The following ATG16L2 variants were observed in gnomAD, a reference collection of about 807,000 sequenced individuals.
ATG16L2 encodes the protein autophagy related 16 like 2, also known as protein Atg16l2.
In ATG16L2, 77 loss-of-function variants were observed where a neutral mutation model predicts 84.7. The observed-to-expected ratio is 0.91, with a 90% CI of 0.76 to 1.10. The LOEUF is 1.10. Among genes scored for constraint, ATG16L2 ranks in the 50% least tolerant of loss-of-function variants. ATG16L2 has a pLI of 0.00. For synonymous variants in ATG16L2, 361 were observed against 342.8 expected (o/e 1.05, Z -0.59); for missense variants, 782 against 817.6 (o/e 0.96, Z 0.53).
Position 72,822,943 on chromosome 11 carries a change from A to G in ATG16L2, c.806A>G (p.Lys269Arg). The G allele has an allele frequency of 1.3e-6, 2 of 1,571,076 alleles. No individual in the cohort carries two copies. Among genetic ancestry groups the G allele is most frequent in the Non-Finnish European group, 1.7e-6 (2 of 1,157,336 alleles). The change falls in exon 7 of 18, where the codon AAG becomes AGG. Residue 269 changes from lysine (K) to arginine (R), a missense_variant. Coordinates refer to ENST00000321297, the MANE Select transcript of ATG16L2 (RefSeq NM_033388.2). The surrounding 1 kb of genome is among the most constrained non-coding windows in gnomAD (Gnocchi z 4.2). ...PEPLEKEACE[K>R]WKRPFRSASA... ...CCCCTGGAGAAGGAAGCTTGTGAGA[A>G]GTGGAAGAGGCCCTTCAGGTGAGGA...
chr11:72,842,947 G>T (rs1861006934), exon 6 of ATG16L2: 2 of 977,322 alleles, frequency 2.0e-6, no homozygotes, highest in African/African-American at 1.6e-5. Flanking sequence ...ATACAGAATA[G>T]GATTAAAGTT....
rs1423653629 is a variant in ATG16L2, at chr11:72,826,094, C to T, written c.1103-79C>T. 7 of 1,226,368 alleles carry T rather than the reference C, an allele frequency of 5.7e-6. No homozygotes were observed. In the African/African-American group the frequency reaches 8.9e-5, roughly 16 times the overall value. 76.0% of individuals were successfully genotyped at this position (1,226,368 alleles called of 1,614,324 possible). A position where few individuals can be genotyped will look rare whatever the true frequency, so the allele number is the denominator to read the frequency against. Reference sequence around the variant, plus strand: ...GTCGGGGGGTGGGGCGGGAACTGATCTTCCGCTCTCAATCCCAATTCCTCC... The same window carrying T: ...GTCGGGGGGTGGGGCGGGAACTGATTTTCCGCTCTCAATCCCAATTCCTCC... On this transcript the variant is annotated intron_variant, in intron 10 of 17. Transcript: ENST00000321297.
At chr11:72,836,438 C>T (rs72969821) in intron 5 of ATG16L2, among the ~76,000 whole-genome samples, 1 of 152,192 alleles carries the variant, frequency 6.6e-6, no homozygotes, top group Non-Finnish European at 1.5e-5. Flanking sequence ...TCCTCAGCTG[C>T]CTCTATGCTA....
intron 14 of ATG16L2, 93 bp from the exon 15 acceptor site, chr11:72,828,266 G>A (rs1860479833): frequency 1.2e-5 from 17 of 1,476,146 alleles, no homozygotes; most frequent in Non-Finnish European, 1.6e-5. Context: ...TCCGGACTTG[G>A]TTAGCTAGGA....
At chr11:72,824,990 T>A in intron 9 of ATG16L2, 148 bp downstream of exon 9, 5 of 659,254 alleles carry the variant, frequency 7.6e-6, no homozygotes, top group Non-Finnish European at 1.3e-5. Flanking sequence ...CCACAGCCTG[T>A]GGTGGGAGCC....
At chr11:72,824,603 C>A (rs963861642) in intron 8 of ATG16L2, 131 bp from the exon 9 acceptor site, 5 of 721,914 alleles carry the variant, frequency 6.9e-6, no homozygotes, top group African/African-American at 5.3e-5. Flanking sequence ...AATGCTCTCG[C>A]TGCTCCTTGG....
At chr11:72,838,912 C>A in intron 5 of ATG16L2, 1 of 1,542,726 alleles carries the variant, frequency 6.5e-7, no homozygotes, top group African/African-American at 1.4e-5. Flanking sequence ...TCAGTCAGTT[C>A]CTGACTCAGT....
chr11:72,841,669 C>T, intron 5 of ATG16L2: 3 of 1,345,928 alleles, frequency 2.2e-6, no homozygotes, highest in Non-Finnish European at 3.0e-6. Flanking sequence ...GTACTCATGC[C>T]TTTTCTCTAA....
intron 5 of ATG16L2, chr11:72,837,474 A>C (rs1860764444): frequency 1.3e-5 from 2 of 152,152 alleles, no homozygotes; most frequent in African/African-American, 2.4e-5. Context: ...GGAAAAAAAA[A>C]AAAAACAAAC....
At chr11:72,843,565 A>C in exon 6 of ATG16L2, 1 of 1,522,882 alleles carries the variant, frequency 6.6e-7, no homozygotes, top group South Asian at 1.1e-5. Flanking sequence ...ACAAAATTAA[A>C]AAGGTTAGAT....
intron 5 of ATG16L2, chr11:72,841,340 CAAAAAAAAAAA>C (rs59748827): frequency 2.2e-5 from 8 of 371,388 alleles, no homozygotes; most frequent in South Asian, 2.3e-5. Flanking sequence ...ACTCTGTCTC[CAAAAAAAAAAA>C]AAAAAAAAAA....
intron 5 of ATG16L2, among the ~76,000 whole-genome samples, chr11:72,834,802 C>G (rs1860684934): frequency 6.6e-6 from 1 of 152,212 alleles, no homozygotes; most frequent in South Asian, 2.1e-4. Context: ...TCAGGCTGGT[C>G]TCAAACTCCT....
downstream of ATG16L2, among the ~76,000 whole-genome samples, chr11:72,833,056 G>T (rs1860641182): frequency 6.6e-6 from 1 of 152,220 alleles, no homozygotes; most frequent in South Asian, 2.1e-4. Flanking sequence ...AGGGAGAAAT[G>T]ACAGATGCCC....
At chr11:72,842,035 C>T (rs7940683) in intron 5 of ATG16L2, among the ~76,000 whole-genome samples, 3,749 of 152,316 alleles carry the variant, frequency 0.025, 150 homozygotes, top group African/African-American at 0.086. Context: ...TCGGCAAACA[C>T]GTTCCTTCTT....
Position 72,825,401 on chromosome 11 carries a change from G to T in ATG16L2, c.1096G>T (p.Val366Leu), listed in dbSNP as rs1277070796. The change falls in exon 10 of 18, where the codon GTG (valine) becomes TTG (leucine). Residue 366 changes from valine to leucine, a missense_variant. Transcript: ENST00000321297. ...CCGCCTGATCCACCTCTGGAATGTT[G>T]TGGGAAGTAAGGAGCCCTCCCCTGC... ...ADRLIHLWNV[V>L]GSRLEANQTL... 2 of 1,611,702 alleles carry T rather than the reference G, an allele frequency of 1.2e-6. No homozygotes were observed. The highest frequency in any genetic ancestry group is 2.7e-5 in the African/African-American group (2 of 74,914).
chr11:72,840,547 T>C (rs1055572564), intron 5 of ATG16L2, among the ~76,000 whole-genome samples: 4 of 152,198 alleles, frequency 2.6e-5, no homozygotes. Flanking sequence ...AATAGAGGCC[T>C]GGAAAATTAA....
intron 14 of ATG16L2, 53 bp downstream of exon 14, chr11:72,827,346 C>A: frequency 6.9e-7 from 1 of 1,447,622 alleles, no homozygotes; most frequent in Non-Finnish European, 9.7e-7. Flanking sequence ...ACAGGGCTCC[C>A]AAGTTCTTGT....
At chr11:72,841,361 A>ACC in intron 5 of ATG16L2, 1 of 1,160,878 alleles carries the variant, frequency 8.6e-7, no homozygotes, top group Non-Finnish European at 1.2e-6. Context: ...AAAAAAAAAA[A>ACC]AAAGCAAATG....
intron 3 of ATG16L2, chr11:72,821,279 G>C (rs938380165): frequency 8.8e-6 from 9 of 1,022,386 alleles, no homozygotes; most frequent in Non-Finnish European, 9.4e-6. Flanking sequence ...GGCGCCCGAG[G>C]GCCGGATGGG....
Sources: allele counts gnomAD v4.1 joint callset (sites outside exome capture counted in the v4.1 genomes callset), GRCh38; gene constraint gnomAD v4.1.1; non-coding constraint Gnocchi (gnomAD v3.1); transcripts MANE v1.5; gene names NCBI Gene and HGNC (gene_info 2026-07-23, HGNC 2026-07-21).